OR51A4: variants seen among roughly 807,000 people sequenced by gnomAD.
OR51A4 encodes the protein olfactory receptor family 51 subfamily A member 4.
For synonymous variants in OR51A4, 96 were observed against 141.5 expected (o/e 0.68, Z 2.28); for missense variants, 243 against 364.0 (o/e 0.67, Z 2.70).
rs932243658 is a variant in OR51A4 at position 4,943,036 on chromosome 11, C to G, written c.*3123G>C. On this transcript the variant is annotated 3_prime_UTR_variant, in exon 2 of 2. Transcript: ENST00000641898. ...GTTCTCATGTAACTCCTATATCATA[C>G]AGGCATATTCTCTCCACCTAATTCA... is the stretch of plus-strand genomic sequence containing the variant. 3 of 153,764 alleles carry G rather than the reference C, an allele frequency of 2.0e-5. No homozygotes were observed. The highest frequency in any genetic ancestry group is 7.2e-5 in the African/African-American group (3 of 41,440). 9.5% of individuals were successfully genotyped at this position (153,764 alleles called of 1,614,324 possible).
Position 4,946,681 on chromosome 11 carries a change from A to C in OR51A4, c.420T>G (p.Thr140=). The C allele has an allele frequency of 6.3e-7, 1 of 1,591,808 alleles. No individual in the cohort carries two copies. Among genetic ancestry groups the C allele is most frequent in the South Asian group, 1.1e-5 (1 of 90,550 alleles). Residue 140 remains threonine (T), a synonymous_variant, in exon 2 of 2, where the codon ACT becomes ACG. Coordinates refer to ENST00000641898, the MANE Select transcript of OR51A4 (RefSeq NM_001005329.2). The part of the protein sequence containing the change: ...NPLRYTSILT[T]VRVAQIGIVF... ...CTATCCCTATTTGGGCAACTCTGAC[A>C]GTTGTCAGGATTGAGGTGTATCTCA...
intron 1 of OR51A4, among the ~76,000 whole-genome samples, 164 bp from the exon 2 acceptor site, chr11:4,947,326 A>G (rs1846327899): frequency 8.0e-6 from 1 of 124,738 alleles, no homozygotes; most frequent in African/African-American, 2.7e-5. Context: ...TTATTTCTGG[A>G]CATGTTATTT....
Position 4,944,008 on chromosome 11 carries a change from C to A in OR51A4, c.*2151G>T. On this transcript the variant is annotated 3_prime_UTR_variant, in exon 2 of 2. Transcript: ENST00000641898. Reference sequence around the variant, plus strand: ...AAGTCTTCATATTGGGCTGCCTATCCGCACACTGGGAGAATATGAGCTTCT... The same window carrying A: ...AAGTCTTCATATTGGGCTGCCTATCAGCACACTGGGAGAATATGAGCTTCT... 2.4e-6 allele frequency: 1 copy of A among 420,954 alleles called. No individual in the cohort carries two copies. The highest frequency in any genetic ancestry group is 1.8e-5 in the South Asian group (1 of 57,122). 26.1% of individuals were successfully genotyped at this position (420,954 alleles called of 1,614,324 possible).
chr11:4,943,243 C>A lies in OR51A4; in HGVS notation c.*2916G>T. 1 of 189,172 alleles carries A rather than the reference C, an allele frequency of 5.3e-6. No individual in the cohort carries two copies. Among genetic ancestry groups the A allele is most frequent in the Non-Finnish European group, 1.1e-5 (1 of 89,678 alleles). The allele number at this position is 189,172 out of a possible 1,614,324, so 11.7% of individuals were successfully genotyped here. A position where few individuals can be genotyped will look rare whatever the true frequency, so the allele number is the denominator to read the frequency against. On this transcript the variant is annotated 3_prime_UTR_variant, in exon 2 of 2. Coordinates refer to ENST00000641898, the MANE Select transcript of OR51A4 (RefSeq NM_001005329.2). ...AGAATCTTTTTAAAAAGTATTTGAACTTGCCTTTTGGTAAGGTTTACATCC... is the reference window on the plus strand; with the variant it reads ...AGAATCTTTTTAAAAAGTATTTGAAATTGCCTTTTGGTAAGGTTTACATCC...
chr11:4,944,090 A>T lies in OR51A4; in HGVS notation c.*2069T>A, dbSNP rs1846257873. The T allele has an allele frequency of 2.2e-6, 1 of 453,686 alleles. No homozygotes were observed. Among genetic ancestry groups the T allele is most frequent in the African/African-American group, 2.0e-5 (1 of 49,894 alleles). 28.1% of individuals were successfully genotyped at this position (453,686 alleles called of 1,614,324 possible). On this transcript the variant is annotated 3_prime_UTR_variant, in exon 2 of 2. Transcript: ENST00000641898. Reference sequence around the variant, plus strand: ...CTGCTTGGTTGTACTACAACCCCAAACCCATATCTGTATTTGTAAGGTTTT... The same window carrying T: ...CTGCTTGGTTGTACTACAACCCCAATCCCATATCTGTATTTGTAAGGTTTT...
chr11:4,944,226 C>T lies in OR51A4; in HGVS notation c.*1933G>A. On this transcript the variant is annotated 3_prime_UTR_variant, in exon 2 of 2. Transcript: ENST00000641898. The stretch of plus-strand genomic sequence containing the variant: ...ATAGGTTTGTGAAAACATACGTAGT[C>T]CTGAATTTAAAAACTAAAATGTATT... 1 of 370,462 alleles carries T rather than the reference C, an allele frequency of 2.7e-6. No individual in the cohort carries two copies. The highest frequency in any genetic ancestry group is 2.1e-5 in the South Asian group (1 of 48,170). The allele number at this position is 370,462 out of a possible 1,614,324, so 22.9% of individuals were successfully genotyped here.
At position 4,945,207 on chromosome 11, in the gene OR51A4, G is replaced by C. The variant is rs552563052; in HGVS notation, c.*952C>G. The C allele has an allele frequency of 6.6e-6, 1 of 152,122 alleles. No homozygotes were observed. Among genetic ancestry groups the C allele is most frequent in the East Asian group, 1.9e-4 (1 of 5,162 alleles). The allele number at this position is 152,122 out of a possible 1,614,324, so 9.4% of individuals were successfully genotyped here. A position where few individuals can be genotyped will look rare whatever the true frequency, so the allele number is the denominator to read the frequency against. On this transcript the variant is annotated 3_prime_UTR_variant, in exon 2 of 2. Transcript: ENST00000641898. Reference sequence around the variant, plus strand: ...AGAGAAGATCATAATACAAACTAGGGCTAGGTAATCTATGAGGAAATTAAG... The same window carrying C: ...AGAGAAGATCATAATACAAACTAGGCCTAGGTAATCTATGAGGAAATTAAG...
At position 4,943,077 on chromosome 11, in the gene OR51A4, G is replaced by A. The variant is rs1284603385; in HGVS notation, c.*3082C>T. ...ACCTAATTCACATATTCTCTGCTTG[G>A]ACTAAATGATGCTCCCCTTCGTCCC... On this transcript the variant is annotated 3_prime_UTR_variant, in exon 2 of 2. Transcript: ENST00000641898. 6.3e-6 allele frequency: 1 copy of A among 158,612 alleles called. No homozygotes were observed. The highest frequency in any genetic ancestry group is 1.9e-4 in the South Asian group (1 of 5,382). 9.8% of individuals were successfully genotyped at this position (158,612 alleles called of 1,614,324 possible). A position where few individuals can be genotyped will look rare whatever the true frequency, so the allele number is the denominator to read the frequency against.
At position 4,945,867 on chromosome 11, in the gene OR51A4, G is replaced by T; in HGVS notation, c.*292C>A. 2.4e-6 allele frequency: 1 copy of T among 408,872 alleles called. No homozygotes were observed. Among genetic ancestry groups the T allele is most frequent in the Non-Finnish European group, 4.5e-6 (1 of 224,178 alleles). 25.3% of individuals were successfully genotyped at this position (408,872 alleles called of 1,614,324 possible). ...GTAGATAATGAGAAATCCAACTTCT[G>T]TCAGAGCTGTAAAAATTATCATTTT... On this transcript the variant is annotated 3_prime_UTR_variant, in exon 2 of 2. Coordinates refer to ENST00000641898, the MANE Select transcript of OR51A4 (RefSeq NM_001005329.2).
In OR51A4 at chr11:4,945,679, A is replaced by C. The variant is rs12789377; in HGVS notation, c.*480T>G. The C allele has an allele frequency of 0.15, 27,686 of 190,656 alleles. 2,185 individuals carry two copies. Among genetic ancestry groups the C allele is most frequent in the South Asian group, 0.17 (1,656 of 10,000 alleles). The allele number at this position is 190,656 out of a possible 1,614,324, so 11.8% of individuals were successfully genotyped here. On this transcript the variant is annotated 3_prime_UTR_variant, in exon 2 of 2. Coordinates refer to ENST00000641898, the MANE Select transcript of OR51A4 (RefSeq NM_001005329.2). ...CTATCTATTGGGTACTATGCTCACT[A>C]CCCGGGTCCCATATAACCATGTAAA...
Position 4,945,218 on chromosome 11 carries a change from T to C in OR51A4, c.*941A>G, listed in dbSNP as rs2133605010. On this transcript the variant is annotated 3_prime_UTR_variant, in exon 2 of 2. Transcript: ENST00000641898. ...TAATACAAACTAGGGCTAGGTAATCTATGAGGAAATTAAGCCAAAATTTAA... is the reference window on the plus strand; with the variant it reads ...TAATACAAACTAGGGCTAGGTAATCCATGAGGAAATTAAGCCAAAATTTAA... The C allele has an allele frequency of 6.6e-6, 1 of 152,190 alleles. No homozygotes were observed. The highest frequency in any genetic ancestry group is 1.5e-5 in the Non-Finnish European group (1 of 68,004). The allele number at this position is 152,190 out of a possible 1,614,324, so 9.4% of individuals were successfully genotyped here. A position where few individuals can be genotyped will look rare whatever the true frequency, so the allele number is the denominator to read the frequency against.
chr11:4,947,158 A>T lies in OR51A4; in HGVS notation c.-58T>A. On this transcript the variant is annotated 5_prime_UTR_variant, in exon 2 of 2. Transcript: ENST00000641898. Reference sequence around the variant, plus strand: ...CAGATGCTTGTGTTGGTAAAATAGGAATATCTGTAAATTTAGTAGAAAAAA... The same window carrying T: ...CAGATGCTTGTGTTGGTAAAATAGGTATATCTGTAAATTTAGTAGAAAAAA... 1 of 1,034,584 alleles carries T rather than the reference A, an allele frequency of 9.7e-7. No homozygotes were observed. Among genetic ancestry groups the T allele is most frequent in the Non-Finnish European group, 1.4e-6 (1 of 726,560 alleles). 64.1% of individuals were successfully genotyped at this position (1,034,584 alleles called of 1,614,324 possible).
In OR51A4 at chr11:4,943,822, T is replaced by C; in HGVS notation, c.*2337A>G. Reference sequence around the variant, plus strand: ...CACCTCCCCCATTGAGATTTATGTATCTTTATTTTATTTTTCATTTCATTT... The same window carrying C: ...CACCTCCCCCATTGAGATTTATGTACCTTTATTTTATTTTTCATTTCATTT... On this transcript the variant is annotated 3_prime_UTR_variant, in exon 2 of 2. Coordinates refer to ENST00000641898, the MANE Select transcript of OR51A4 (RefSeq NM_001005329.2). 2.3e-6 allele frequency: 1 copy of C among 443,120 alleles called. No homozygotes were observed. The highest frequency in any genetic ancestry group is 4.5e-6 in the Non-Finnish European group (1 of 222,196). The allele number at this position is 443,120 out of a possible 1,614,324, so 27.4% of individuals were successfully genotyped here. A position where few individuals can be genotyped will look rare whatever the true frequency, so the allele number is the denominator to read the frequency against.
rs373342390 is a variant in OR51A4 at position 4,944,159 on chromosome 11, C to G, written c.*2000G>C. The G allele has an allele frequency of 1.4e-4, 61 of 451,820 alleles. No homozygotes were observed. The highest frequency in any genetic ancestry group is 5.6e-4 in the Admixed American group (23 of 41,440). The allele number at this position is 451,820 out of a possible 1,614,324, so 28.0% of individuals were successfully genotyped here. A position where few individuals can be genotyped will look rare whatever the true frequency, so the allele number is the denominator to read the frequency against. ...CAGTTATGCACCTCAAACATAGGAA[C>G]AGTTCTTGCCCTGATCTGATGATAG... On this transcript the variant is annotated 3_prime_UTR_variant, in exon 2 of 2. Transcript: ENST00000641898.
chr11:4,946,260 G>C lies in OR51A4; in HGVS notation c.841C>G (p.Leu281Val), dbSNP rs773876490. 1.9e-5 allele frequency: 30 copies of C among 1,613,838 alleles called. No individual in the cohort carries two copies. The African/African-American group carries it at 2.8e-4, about 15-fold the overall frequency. ...PLINVLMANV[L>V]LLVPPLTNPI... ...TTCGTCAGTGGAGGTACAAGTAGGA[G>C]AACATTTGCCATGAGAACATTAATG... Residue 281 changes from leucine (L) to valine (V), a missense_variant, in exon 2 of 2, where the codon CTC becomes GTC. Coordinates refer to ENST00000641898, the MANE Select transcript of OR51A4 (RefSeq NM_001005329.2).
At position 4,944,987 on chromosome 11, in the gene OR51A4, A is replaced by G. The variant is rs1846272162; in HGVS notation, c.*1172T>C. The G allele has an allele frequency of 1.3e-5, 2 of 152,134 alleles. 1 individual carries two copies. The highest frequency in any genetic ancestry group is 4.8e-5 in the African/African-American group (2 of 41,462). 9.4% of individuals were successfully genotyped at this position (152,134 alleles called of 1,614,324 possible). A position where few individuals can be genotyped will look rare whatever the true frequency, so the allele number is the denominator to read the frequency against. ...CTGCATCAGAAGTGTCCTAGACATTAGGCAGGAAAAAATAAGAAAATAGAT... is the reference window on the plus strand; with the variant it reads ...CTGCATCAGAAGTGTCCTAGACATTGGGCAGGAAAAAATAAGAAAATAGAT... On this transcript the variant is annotated 3_prime_UTR_variant, in exon 2 of 2. Coordinates refer to ENST00000641898, the MANE Select transcript of OR51A4 (RefSeq NM_001005329.2).
rs1846254036 is a variant in OR51A4, at chr11:4,943,882, G to T, written c.*2277C>A. ...TGTCAAAAACCCCTAAAATACAGAT[G>T]ATCTTTGATACTCTTTTATGTGACA... is the stretch of plus-strand genomic sequence containing the variant. On this transcript the variant is annotated 3_prime_UTR_variant, in exon 2 of 2. Coordinates refer to ENST00000641898, the MANE Select transcript of OR51A4 (RefSeq NM_001005329.2). 2 of 446,348 alleles carry T rather than the reference G, an allele frequency of 4.5e-6. No homozygotes were observed. Among genetic ancestry groups the T allele is most frequent in the Non-Finnish European group, 9.0e-6 (2 of 222,748 alleles). The allele number at this position is 446,348 out of a possible 1,614,324, so 27.6% of individuals were successfully genotyped here. A position where few individuals can be genotyped will look rare whatever the true frequency, so the allele number is the denominator to read the frequency against.
rs564925124 is a variant in OR51A4 at position 4,943,220 on chromosome 11, A to G, written c.*2939T>C. The G allele has an allele frequency of 1.1e-5, 2 of 187,254 alleles. No individual in the cohort carries two copies. The highest frequency in any genetic ancestry group is 4.7e-5 in the African/African-American group (2 of 42,246). The allele number at this position is 187,254 out of a possible 1,614,324, so 11.6% of individuals were successfully genotyped here. On this transcript the variant is annotated 3_prime_UTR_variant, in exon 2 of 2. Coordinates refer to ENST00000641898, the MANE Select transcript of OR51A4 (RefSeq NM_001005329.2). Reference sequence around the variant, plus strand: ...GCGAAACAATAAGAAGACTTACTAGAATCTTTTTAAAAAGTATTTGAACTT... The same window carrying G: ...GCGAAACAATAAGAAGACTTACTAGGATCTTTTTAAAAAGTATTTGAACTT...
At position 4,944,139 on chromosome 11, in the gene OR51A4, A is replaced by G. The variant is rs561399383; in HGVS notation, c.*2020T>C. The G allele has an allele frequency of 8.8e-6, 4 of 455,452 alleles. No individual in the cohort carries two copies. Among genetic ancestry groups the G allele is most frequent in the Non-Finnish European group, 1.3e-5 (3 of 226,482 alleles). The allele number at this position is 455,452 out of a possible 1,614,324, so 28.2% of individuals were successfully genotyped here. A position where few individuals can be genotyped will look rare whatever the true frequency, so the allele number is the denominator to read the frequency against. On this transcript the variant is annotated 3_prime_UTR_variant, in exon 2 of 2. Transcript: ENST00000641898. The stretch of plus-strand genomic sequence containing the variant: ...TTGGAAAAGGTAGATAGATACAGTT[A>G]TGCACCTCAAACATAGGAACAGTTC...
Sources: gnomAD v4.1 joint callset for allele counts (sites outside exome capture counted in the v4.1 genomes callset) on GRCh38, gnomAD v4.1.1 for gene constraint, MANE v1.5 for transcripts, NCBI Gene and HGNC (gene_info 2026-07-23, HGNC 2026-07-21) for gene names.